Variants in SEMA5A observed in about 807,000 individuals in gnomAD.
The protein encoded by SEMA5A is semaphorin-5A.
In SEMA5A, 55 loss-of-function variants were observed where a neutral mutation model predicts 135.5. The observed-to-expected ratio is 0.41, with a 90% CI of 0.33 to 0.51. The LOEUF is 0.51. SEMA5A is among the 20% of genes least tolerant of loss of function. The pLI, the probability that SEMA5A is intolerant of heterozygous loss-of-function variation, is 0.37. For missense variants in SEMA5A, 1,290 were observed against 1,419.9 expected (o/e 0.91, Z 1.47); for synonymous variants, 580 against 546.5 (o/e 1.06, Z -0.85).
rs566866055 is a variant in SEMA5A at position 9,135,031 on chromosome 5, G to T, written c.1599+1473C>A. ...GAGGACCCACAGCTAATCCTACTAGGAAGCTGTCCAGAGCCTAGATGTGGT... is the reference window on the plus strand; with the variant it reads ...GAGGACCCACAGCTAATCCTACTAGTAAGCTGTCCAGAGCCTAGATGTGGT... On this transcript the variant is annotated intron_variant, in intron 13 of 22. Transcript: ENST00000382496. Among the ~76,000 whole-genome samples, 25 of 152,220 alleles carry T rather than the reference G, an allele frequency of 1.6e-4. No homozygotes were observed. The South Asian group carries it at 1.7e-3, about 10-fold the overall frequency.
chr5:9,410,914 CAG>C (rs1180245127), intron 2 of SEMA5A, among the ~76,000 whole-genome samples: 2 of 147,680 alleles, frequency 1.4e-5, no homozygotes, highest in African/African-American at 4.9e-5. Context: ...ATTTCCATAA[CAG>C]AGCGTTCTCT....
chr5:9,093,950 C>T (rs751032718), intron 16 of SEMA5A, among the ~76,000 whole-genome samples: 1 of 152,116 alleles, frequency 6.6e-6, no homozygotes, highest in Non-Finnish European at 1.5e-5. Context: ...CTGCCCACAC[C>T]TGTTGGTGCC....
chr5:9,130,794 C>T (rs1741366553), intron 13 of SEMA5A, among the ~76,000 whole-genome samples: 1 of 152,104 alleles, frequency 6.6e-6, no homozygotes, highest in Non-Finnish European at 1.5e-5. Flanking sequence ...ACCGTGTCAC[C>T]CCTGCTTTGG....
At chr5:9,107,527 C>A (rs1047440759) in intron 16 of SEMA5A, among the ~76,000 whole-genome samples, 4 of 151,998 alleles carry the variant, frequency 2.6e-5, no homozygotes, top group African/African-American at 9.7e-5. Flanking sequence ...ATTCCGTGTC[C>A]CAAACCGAAT....
At chr5:9,285,583 T>C (rs150374297) in intron 5 of SEMA5A, among the ~76,000 whole-genome samples, 2,248 of 152,350 alleles carry the variant, frequency 0.015, 16 homozygotes, top group Middle Eastern at 0.048. Flanking sequence ...GGCTTGGTTC[T>C]TCTCCAAGCC....
chr5:9,099,052 T>G (rs1739479673), intron 16 of SEMA5A, among the ~76,000 whole-genome samples: 1 of 152,202 alleles, frequency 6.6e-6, no homozygotes. Context: ...ATTCCAGATC[T>G]CCATACCAAT....
intron 16 of SEMA5A, among the ~76,000 whole-genome samples, chr5:9,101,341 T>G (rs577732546): frequency 6.6e-6 from 1 of 152,320 alleles, no homozygotes; most frequent in South Asian, 2.1e-4. Flanking sequence ...TCCTACAACC[T>G]GGACCATCTC....
At chr5:9,198,945 G>A (rs1745560367) in intron 9 of SEMA5A, among the ~76,000 whole-genome samples, 1 of 152,102 alleles carries the variant, frequency 6.6e-6, no homozygotes, top group Non-Finnish European at 1.5e-5. Context: ...ACTTGATACA[G>A]ATCATCTAAT....
intron 15 of SEMA5A, among the ~76,000 whole-genome samples, chr5:9,112,952 G>A (rs1437260187): frequency 5.3e-5 from 8 of 152,210 alleles, no homozygotes; most frequent in African/African-American, 1.7e-4. Context: ...ATTGAGGGCA[G>A]CCTCTGGCTA....
intron 1 of SEMA5A, among the ~76,000 whole-genome samples, chr5:9,501,811 A>G (rs796179012): frequency 1.4e-4 from 22 of 152,350 alleles, no homozygotes; most frequent in African/African-American, 5.0e-4. Flanking sequence ...ACAAAAACAC[A>G]GGTCTTGGTT....
chr5:9,166,417 C>T lies in SEMA5A; in HGVS notation c.1274-11722G>A, dbSNP rs937930994. Among the ~76,000 whole-genome samples the T allele has an allele frequency of 5.3e-5, 8 of 152,266 alleles. No homozygotes were observed. In the East Asian group the frequency reaches 1.2e-3, roughly 22 times the overall value. On this transcript the variant is annotated intron_variant, in intron 11 of 22. Coordinates refer to ENST00000382496, the MANE Select transcript of SEMA5A (RefSeq NM_003966.3). Reference sequence around the variant, plus strand: ...CCCAGTGCCCAGCTCACAGGGTCGGCGGCCACTAAGTGAGTTTAACTGTAT... The same window carrying T: ...CCCAGTGCCCAGCTCACAGGGTCGGTGGCCACTAAGTGAGTTTAACTGTAT...
In SEMA5A at chr5:9,540,672, G is replaced by C. The variant is rs866646253; in HGVS notation, c.-175+4912C>G. On this transcript the variant is annotated intron_variant, in intron 1 of 22. Coordinates refer to ENST00000382496, the MANE Select transcript of SEMA5A (RefSeq NM_003966.3). The stretch of plus-strand genomic sequence containing the variant: ...ATCTCAGTCCTGTAAAAGGAGTCAC[G>C]GAAGCCAGTTGTGATTCTAAAATCC... 2.6e-5 allele frequency among the ~76,000 whole-genome samples: 4 copies of C among 152,210 alleles called. No individual in the cohort carries two copies. In the East Asian group the frequency reaches 7.7e-4, roughly 29 times the overall value.
chr5:9,111,119 AT>A (rs1260653880), intron 15 of SEMA5A, among the ~76,000 whole-genome samples: 1 of 152,210 alleles, frequency 6.6e-6, no homozygotes, highest in East Asian at 1.9e-4. Context: ...AAAACTCAGA[AT>A]ATCAGAACTC....
intron 10 of SEMA5A, among the ~76,000 whole-genome samples, chr5:9,192,480 A>G (rs1473366939): frequency 1.3e-5 from 2 of 152,212 alleles, no homozygotes. Context: ...GCAGGACAGC[A>G]ATTCTATGGT....
At chr5:9,291,642 C>T (rs973366735) in intron 5 of SEMA5A, among the ~76,000 whole-genome samples, 1 of 151,852 alleles carries the variant, frequency 6.6e-6, no homozygotes, top group Non-Finnish European at 1.5e-5. Context: ...GAGACAGATA[C>T]CAAGGAGCAA....
At chr5:9,218,350 C>A (rs1368493802) in intron 8 of SEMA5A, among the ~76,000 whole-genome samples, 2 of 152,132 alleles carry the variant, frequency 1.3e-5, no homozygotes, top group Non-Finnish European at 2.9e-5. Context: ...TGAAACAATT[C>A]ATTGGTGGCT....
At chr5:9,481,765 G>T (rs532780706) in intron 1 of SEMA5A, among the ~76,000 whole-genome samples, 24 of 152,232 alleles carry the variant, frequency 1.6e-4, no homozygotes, top group African/African-American at 5.8e-4. Flanking sequence ...ACTTAGACCA[G>T]GAAATCACAG....
At chr5:9,161,333 G>C (rs887409047) in intron 11 of SEMA5A, among the ~76,000 whole-genome samples, 1 of 151,908 alleles carries the variant, frequency 6.6e-6, no homozygotes, top group Admixed American at 6.6e-5. Flanking sequence ...GAACCGAAAG[G>C]GTTTATCTAG....
chr5:9,309,815 C>A (rs546992869), intron 5 of SEMA5A, among the ~76,000 whole-genome samples: 2 of 119,512 alleles, frequency 1.7e-5, no homozygotes, highest in African/African-American at 5.7e-5. Flanking sequence ...TCTTCCAGAA[C>A]GTTATTTAAA....
Sources: gnomAD v4.1 joint callset for allele counts (sites outside exome capture counted in the v4.1 genomes callset) on GRCh38, gnomAD v4.1.1 for gene constraint, MANE v1.5 for transcripts, NCBI Gene and HGNC (gene_info 2026-07-23, HGNC 2026-07-21) for gene names.